The following GAB1 variants were observed in gnomAD, a reference collection of about 807,000 sequenced individuals.
The protein encoded by GAB1 is GRB2-associated-binding protein 1.
In GAB1, 19 loss-of-function variants were observed where a neutral mutation model predicts 66.5. The ratio of observed to expected loss-of-function variants is 0.29; its 90% CI spans 0.20 to 0.42. GAB1 has a LOEUF of 0.42. Ranked by LOEUF, GAB1 falls within the 10% of genes least tolerant of loss-of-function variation. GAB1 has a pLI of 1.00. For missense variants in GAB1, 732 were observed against 858.5 expected (o/e 0.85, Z 1.84); for synonymous variants, 294 against 301.4 (o/e 0.98, Z 0.25).
At chr4:143,448,469 T>G (rs1365906176) in intron 6 of GAB1, among the ~76,000 whole-genome samples, 1 of 151,832 alleles carries the variant, frequency 6.6e-6, no homozygotes, top group Non-Finnish European at 1.5e-5. Context: ...CAATTTCAGA[T>G]TCTGTTATTG....
intron 1 of GAB1, among the ~76,000 whole-genome samples, chr4:143,371,877 T>C (rs540038678): frequency 6.6e-6 from 1 of 152,342 alleles, no homozygotes; most frequent in East Asian, 1.9e-4. Context: ...TGGTATTATT[T>C]CTGAGGGCTC....
chr4:143,460,623 C>T (rs778111464), intron 8 of GAB1, 136 bp downstream of exon 8: 3 of 727,008 alleles, frequency 4.1e-6, no homozygotes, highest in South Asian at 5.5e-5. Flanking sequence ...TTTTAAAAAG[C>T]TTATTAAAAA....
intron 1 of GAB1, among the ~76,000 whole-genome samples, chr4:143,366,967 T>C (rs1355478420): frequency 2.0e-5 from 3 of 152,170 alleles, no homozygotes. Context: ...TGGTACTTTT[T>C]TCCCAAATTT....
intron 1 of GAB1, among the ~76,000 whole-genome samples, chr4:143,348,390 C>T (rs1729055808): frequency 6.6e-6 from 1 of 152,212 alleles, no homozygotes; most frequent in Non-Finnish European, 1.5e-5. Context: ...TCCCTTAAAC[C>T]TGGTCCTCTT....
At chr4:143,446,952 A>G (rs1301772413) in intron 6 of GAB1, among the ~76,000 whole-genome samples, 1 of 151,878 alleles carries the variant, frequency 6.6e-6, no homozygotes, top group Non-Finnish European at 1.5e-5. Flanking sequence ...TCTTTAATCC[A>G]TCTTGAATTA....
At chr4:143,370,368 C>T (rs1018353855) in intron 1 of GAB1, among the ~76,000 whole-genome samples, 14 of 152,154 alleles carry the variant, frequency 9.2e-5, no homozygotes, top group Non-Finnish European at 2.9e-5. Flanking sequence ...TGTCTCCAGC[C>T]ATTGTCCCTT....
intron 2 of GAB1, among the ~76,000 whole-genome samples, chr4:143,429,509 T>TA (rs527849253): frequency 1.7e-3 from 266 of 152,310 alleles, no homozygotes; most frequent in African/African-American, 5.5e-3. Flanking sequence ...TACCCTCAAA[T>TA]ACTTGTGAGT....
At chr4:143,427,616 C>G (rs1733435869) in intron 2 of GAB1, among the ~76,000 whole-genome samples, 1 of 152,000 alleles carries the variant, frequency 6.6e-6, no homozygotes, top group Admixed American at 6.6e-5. Context: ...TTCCCCCAAG[C>G]ACAATCCTAA....
chr4:143,384,338 G>A (rs578054734), intron 1 of GAB1, among the ~76,000 whole-genome samples: 4 of 151,926 alleles, frequency 2.6e-5, no homozygotes, highest in Non-Finnish European at 4.4e-5. Flanking sequence ...AACTTTTATC[G>A]CATTAAAAAA....
intron 1 of GAB1, among the ~76,000 whole-genome samples, chr4:143,385,342 G>T (rs561578525): frequency 1.3e-5 from 2 of 152,214 alleles, no homozygotes; most frequent in South Asian, 2.1e-4. Context: ...TGTAGCCCTG[G>T]AACAGTGTTT....
chr4:143,353,241 T>C (rs543425759), intron 1 of GAB1, among the ~76,000 whole-genome samples: 1 of 152,324 alleles, frequency 6.6e-6, no homozygotes, highest in Admixed American at 6.5e-5. Flanking sequence ...TTCTTTCCCA[T>C]TGTTTTTATA....
At chr4:143,434,243 A>G (rs1405238138) in intron 3 of GAB1, 6 of 602,612 alleles carry the variant, frequency 1.0e-5, no homozygotes, top group African/African-American at 3.8e-5. Context: ...AGCAAATTCC[A>G]TGGAATATAC....
intron 6 of GAB1, among the ~76,000 whole-genome samples, chr4:143,453,193 G>T (rs1036113353): frequency 6.6e-6 from 1 of 152,102 alleles, no homozygotes; most frequent in African/African-American, 2.4e-5. Context: ...GTACAATTTA[G>T]TGCAACATTT....
chr4:143,389,132 G>A (rs796155773), intron 1 of GAB1, among the ~76,000 whole-genome samples: 13 of 152,320 alleles, frequency 8.5e-5, no homozygotes, highest in African/African-American at 2.6e-4. Context: ...TCATCTTTCC[G>A]CAGTTGGTAA....
At chr4:143,425,512 A>T (rs1259839752) in intron 2 of GAB1, 1 of 762,036 alleles carries the variant, frequency 1.3e-6, no homozygotes, top group Non-Finnish European at 2.4e-6. Flanking sequence ...CCTCTGTGCC[A>T]TGTGGACATT....
Position 143,375,960 on chromosome 4 carries a change from C to T in GAB1, c.72+38700C>T, listed in dbSNP as rs551562590. Among the ~76,000 whole-genome samples, 7 of 152,222 alleles carry T rather than the reference C, an allele frequency of 4.6e-5. No homozygotes were observed. The South Asian group carries it at 1.0e-3, about 23-fold the overall frequency. On this transcript the variant is annotated intron_variant, in intron 1 of 9. Transcript: ENST00000262994. ...CCGCCCCCTAATTGAGATTGAGAAC[C>T]GCTGCTGCATAGGAGCTCCTGTCTG...
chr4:143,437,815 G>A (rs543216548), intron 3 of GAB1, among the ~76,000 whole-genome samples, 184 bp from the exon 4 acceptor site: 12 of 152,058 alleles, frequency 7.9e-5, no homozygotes, highest in Non-Finnish European at 1.8e-4. Context: ...TTGTGGTGGC[G>A]GTTTTGTTGT....
At chr4:143,463,565 G>A (rs1436616219) in intron 8 of GAB1, among the ~76,000 whole-genome samples, 1 of 149,716 alleles carries the variant, frequency 6.7e-6, no homozygotes, top group Admixed American at 6.7e-5. Context: ...AGAGATTGCA[G>A]TGAGCCGAGA....
intron 8 of GAB1, 195 bp from the exon 9 acceptor site, chr4:143,465,908 G>A (rs938157546): frequency 1.1e-4 from 49 of 456,506 alleles, no homozygotes; most frequent in Non-Finnish European, 1.7e-4. Flanking sequence ...TTGAAACTAC[G>A]TTTAGCTTGC....
Sources: gnomAD v4.1 joint callset for allele counts (sites outside exome capture counted in the v4.1 genomes callset) on GRCh38, gnomAD v4.1.1 for gene constraint, MANE v1.5 for transcripts, NCBI Gene and HGNC (gene_info 2026-07-23, HGNC 2026-07-21) for gene names.